Variants in RSL24D1 observed in about 807,000 individuals in gnomAD.
RSL24D1 encodes probable ribosome biogenesis protein RLP24.
In RSL24D1, 6 loss-of-function variants were observed where a neutral mutation model predicts 26.2. The observed-to-expected ratio is 0.23, with a 90% CI of 0.13 to 0.45. The LOEUF (loss-of-function observed/expected upper bound fraction) is 0.45. Among genes scored for constraint, RSL24D1 ranks in the 20% least tolerant of loss-of-function variants. The probability of loss-of-function intolerance (pLI) is 0.99; values close to 1 mark genes in which losing one functional copy is unlikely to be tolerated. For missense variants in RSL24D1, 176 were observed against 202.6 expected (o/e 0.87, Z 0.80); for synonymous variants, 61 against 59.1 (o/e 1.03, Z -0.15).
intron 3 of RSL24D1, among the ~76,000 whole-genome samples, chr15:55,188,823 C>G (rs537702778): frequency 1.5e-4 from 23 of 152,036 alleles, no homozygotes; most frequent in African/African-American, 5.1e-4. Flanking sequence ...TAAAAATGAT[C>G]TGGAGCTGCT....
rs748962587 is a variant in RSL24D1, at chr15:55,182,148, A to T, written c.*4T>A. The T allele has an allele frequency of 9.5e-6, 15 of 1,578,568 alleles. No individual in the cohort carries two copies. The South Asian group carries it at 1.7e-4, about 18-fold the overall frequency. On this transcript the variant is annotated 3_prime_UTR_variant, in exon 6 of 6. Transcript: ENST00000260443. ...GTACATAAAAGAAATGGTTACAGAGATTTTTAAGGAGCATCTTCCATGTCC... is the reference window on the plus strand; with the variant it reads ...GTACATAAAAGAAATGGTTACAGAGTTTTTTAAGGAGCATCTTCCATGTCC...
chr15:55,190,904 G>A, intron 3 of RSL24D1, 71 bp downstream of exon 3: 1 of 953,462 alleles, frequency 1.0e-6, no homozygotes. Context: ...ACAACAAACT[G>A]ACACTTAAAG....
intron 3 of RSL24D1, among the ~76,000 whole-genome samples, chr15:55,189,975 T>C (rs1406027454): frequency 3.3e-5 from 5 of 152,012 alleles, no homozygotes; most frequent in East Asian, 1.9e-4. Flanking sequence ...GTGCCAGGCA[T>C]GGTGGCTCAC....
Position 55,182,194 on chromosome 15 carries a change from T to G in RSL24D1, c.450A>C (p.Val150=), listed in dbSNP as rs751686612. Residue 150 remains valine (V), a synonymous_variant, in exon 6 of 6, where the codon GTA becomes GTC. Coordinates refer to ENST00000260443, the MANE Select transcript of RSL24D1 (RefSeq NM_016304.3). ...TGTCCACATCCTCTTGTAACTGCTG[T>G]ACCATTTTCTCTTCCAACTGTTTCC... ...GKGKQLEEKM[V]QQLQEDVDME... is the part of the protein sequence containing the mutation. 3.5e-5 allele frequency: 57 copies of G among 1,608,410 alleles called. No homozygotes were observed. Among genetic ancestry groups the G allele is most frequent in the Non-Finnish European group, 4.4e-5 (52 of 1,175,336 alleles).
chr15:55,183,463 T>G, intron 4 of RSL24D1, 63 bp from the exon 5 acceptor site: 2 of 1,138,790 alleles, frequency 1.8e-6, no homozygotes, highest in Non-Finnish European at 2.6e-6. Context: ...AGGCATCAAT[T>G]CACAATACAG....
At chr15:55,190,017 G>A (rs1214420804) in intron 3 of RSL24D1, among the ~76,000 whole-genome samples, 1 of 152,180 alleles carries the variant, frequency 6.6e-6, no homozygotes, top group Non-Finnish European at 1.5e-5. Flanking sequence ...GGAGGCCAAG[G>A]TGGGAGGATC....
intron 2 of RSL24D1, 101 bp from the exon 3 acceptor site, chr15:55,191,148 A>G: frequency 2.6e-6 from 2 of 778,482 alleles, no homozygotes; most frequent in Non-Finnish European, 4.0e-6. Context: ...CTAAATGAAC[A>G]TACACCTAGA....
In RSL24D1 at chr15:55,183,404, C is replaced by T; in HGVS notation, c.333-4G>A. On this transcript the variant is annotated splice_region_variant and splice_polypyrimidine_tract_variant and intron_variant, in intron 4 of 5. Transcript: ENST00000260443. ...TAGCTCTTTATTTTTCTTCAATCTACAACAAAACATATTAAAGCCAAAATT... is the reference window on the plus strand; with the variant it reads ...TAGCTCTTTATTTTTCTTCAATCTATAACAAAACATATTAAAGCCAAAATT... 6.2e-6 allele frequency: 10 copies of T among 1,610,582 alleles called. No individual in the cohort carries two copies. The highest frequency in any genetic ancestry group is 8.5e-6 in the Non-Finnish European group (10 of 1,178,014).
intron 5 of RSL24D1, 76 bp downstream of exon 5, chr15:55,183,239 A>T: frequency 2.1e-6 from 2 of 974,368 alleles, no homozygotes; most frequent in Non-Finnish European, 3.1e-6. Flanking sequence ...TAATATTTAT[A>T]GGAAAAAATA....
At chr15:55,193,511 G>C (rs1328783511) in intron 1 of RSL24D1, among the ~76,000 whole-genome samples, 1 of 152,094 alleles carries the variant, frequency 6.6e-6, no homozygotes, top group Non-Finnish European at 1.5e-5. Context: ...ATGCCCTGGA[G>C]GAAATGGGAA....
chr15:55,184,730 GTT>G (rs2140590223), intron 4 of RSL24D1, among the ~76,000 whole-genome samples: 1 of 152,238 alleles, frequency 6.6e-6, no homozygotes, highest in Non-Finnish European at 1.5e-5. Context: ...AGTGATCAAA[GTT>G]AACATCACCA....
intron 3 of RSL24D1, among the ~76,000 whole-genome samples, chr15:55,186,151 T>C (rs7168472): frequency 0.17 from 25,857 of 152,148 alleles, 2,473 homozygotes; most frequent in African/African-American, 0.26. Flanking sequence ...CATTTTATCC[T>C]TGTTTTCATA....
chr15:55,189,572 A>G (rs1894269790), intron 3 of RSL24D1, among the ~76,000 whole-genome samples: 1 of 152,192 alleles, frequency 6.6e-6, no homozygotes, highest in Non-Finnish European at 1.5e-5. Flanking sequence ...ATAAATTCGT[A>G]AACTTTCTTA....
chr15:55,181,617 A>G lies in RSL24D1; in HGVS notation c.*535T>C, dbSNP rs550056025. Reference sequence around the variant, plus strand: ...AACTACCTATCAGAAGGGTTAAACCAGGTCAAAACAGTCCAGCATAATTAG... The same window carrying G: ...AACTACCTATCAGAAGGGTTAAACCGGGTCAAAACAGTCCAGCATAATTAG... On this transcript the variant is annotated 3_prime_UTR_variant, in exon 6 of 6. Coordinates refer to ENST00000260443, the MANE Select transcript of RSL24D1 (RefSeq NM_016304.3). 1 of 153,202 alleles carries G rather than the reference A, an allele frequency of 6.5e-6. No individual in the cohort carries two copies. Among genetic ancestry groups the G allele is most frequent in the Non-Finnish European group, 1.5e-5 (1 of 68,618 alleles). The allele number at this position is 153,202 out of a possible 1,614,324, so 9.5% of individuals were successfully genotyped here.
intron 5 of RSL24D1, among the ~76,000 whole-genome samples, chr15:55,182,797 T>G (rs1346031210): frequency 6.6e-6 from 1 of 152,210 alleles, no homozygotes; most frequent in Non-Finnish European, 1.5e-5. Context: ...TTACTAAGAT[T>G]TCTTTCCCTT....
chr15:55,183,543 C>T, intron 4 of RSL24D1, 143 bp from the exon 5 acceptor site: 2 of 630,364 alleles, frequency 3.2e-6, no homozygotes, highest in Non-Finnish European at 5.7e-6. Flanking sequence ...CCCTTCTGTT[C>T]ACTCCCCTTT....
At chr15:55,184,079 T>C (rs1894198803) in intron 4 of RSL24D1, among the ~76,000 whole-genome samples, 1 of 152,200 alleles carries the variant, frequency 6.6e-6, no homozygotes, top group African/African-American at 2.4e-5. Context: ...TTTTCAAACA[T>C]TTTTGTGAAA....
Position 55,196,919 on chromosome 15 carries a change from A to C in RSL24D1, c.-29T>G, listed in dbSNP as rs770492490. 3.1e-6 allele frequency: 5 copies of C among 1,608,754 alleles called. No individual in the cohort carries two copies. The African/African-American group carries it at 6.7e-5, about 22-fold the overall frequency. ...GAACCCGCGTGTAACCCCACCAAAC[A>C]AACGCCAAGCTTGAGAGGAAGTGAT... On this transcript the variant is annotated 5_prime_UTR_variant, in exon 1 of 6. Coordinates refer to ENST00000260443, the MANE Select transcript of RSL24D1 (RefSeq NM_016304.3).
At chr15:55,184,759 T>G (rs191340476) in intron 4 of RSL24D1, among the ~76,000 whole-genome samples, 11 of 152,256 alleles carry the variant, frequency 7.2e-5, no homozygotes, top group Non-Finnish European at 1.5e-4. Flanking sequence ...TGACATCATG[T>G]GCTTCCCGAT....
Sources: allele counts gnomAD v4.1 joint callset (sites outside exome capture counted in the v4.1 genomes callset), GRCh38; gene constraint gnomAD v4.1.1; transcripts MANE v1.5; gene names NCBI Gene and HGNC (gene_info 2026-07-23, HGNC 2026-07-21).